VIPR1: variants seen among roughly 807,000 people sequenced by gnomAD.
The protein encoded by VIPR1 is vasoactive intestinal polypeptide receptor 1.
VIPR1 carries 59 observed loss-of-function variants against 58.8 expected under a neutral mutation model. The observed-to-expected ratio is 1.00, with a 90% CI of 0.81 to 1.25. The LOEUF is 1.25. Among genes scored for constraint, VIPR1 ranks in the 50% most tolerant of loss-of-function variants. The probability of loss-of-function intolerance (pLI) is 0.00; values close to 1 mark genes in which losing one functional copy is unlikely to be tolerated. For synonymous variants in VIPR1, 251 were observed against 242.1 expected (o/e 1.04, Z -0.34); for missense variants, 626 against 602.7 (o/e 1.04, Z -0.40).
chr3:42,515,460 G>A lies in VIPR1; in HGVS notation c.184+1606G>A, dbSNP rs113157496. Reference sequence around the variant, plus strand: ...CAGACAGGCTTTGGCAGGCCCCAGCGGTGGGATCATAGGCAGCCCCAAGAG... The same window carrying A: ...CAGACAGGCTTTGGCAGGCCCCAGCAGTGGGATCATAGGCAGCCCCAAGAG... On this transcript the variant is annotated intron_variant, in intron 2 of 12. Transcript: ENST00000325123. 9.2e-3 allele frequency among the ~76,000 whole-genome samples: 1,400 copies of A among 152,354 alleles called. 11 individuals carry two copies. The highest frequency in any genetic ancestry group is 0.014 in the Non-Finnish European group (980 of 68,032).
chr3:42,533,676 CTCCCACT>C (rs1701698267), intron 10 of VIPR1: 1 of 152,214 alleles, frequency 6.6e-6, no homozygotes, highest in Admixed American at 6.5e-5. Context: ...AAGCTGTCAG[CTCCCACT>C]CTACACCTCC....
At chr3:42,534,451 G>A in intron 10 of VIPR1, 1 of 152,952 alleles carries the variant, frequency 6.5e-6, no homozygotes, top group Non-Finnish European at 1.5e-5. Context: ...TCTATAATTT[G>A]ACTATGTCGA....
intron 1 of VIPR1, among the ~76,000 whole-genome samples, chr3:42,495,326 T>G (rs1699737722): frequency 6.6e-6 from 1 of 152,148 alleles, no homozygotes; most frequent in Non-Finnish European, 1.5e-5. Flanking sequence ...TTTCACCATG[T>G]TAGCCAGGAT....
At chr3:42,512,627 G>A in intron 1 of VIPR1, 1 of 548,536 alleles carries the variant, frequency 1.8e-6, no homozygotes, top group Non-Finnish European at 2.3e-6. Flanking sequence ...GGCCCAGGGA[G>A]GTAAGGACCC....
chr3:42,490,018 A>G (rs1226765030), intron 1 of VIPR1, among the ~76,000 whole-genome samples: 1 of 151,792 alleles, frequency 6.6e-6, no homozygotes, highest in Non-Finnish European at 1.5e-5. Context: ...GATCTGCACC[A>G]CCCAGAGAGG....
intron 1 of VIPR1, among the ~76,000 whole-genome samples, chr3:42,510,605 G>A (rs1559482403): frequency 6.6e-6 from 1 of 152,196 alleles, no homozygotes; most frequent in Non-Finnish European, 1.5e-5. Flanking sequence ...CAGACCAGCG[G>A]TCAGAGACTT....
In VIPR1 at chr3:42,528,099, G is replaced by T; in HGVS notation, c.612G>T (p.Glu204Asp). ...IKDLALFDSG[E>D]SDQCSEGSVG... ...ACTTGGCCCTCTTCGACAGCGGGGAGTCGGACCAGTGCTCCGAGGGCTCGG... is the reference window on the plus strand; with the variant it reads ...ACTTGGCCCTCTTCGACAGCGGGGATTCGGACCAGTGCTCCGAGGGCTCGG... The change falls in exon 6 of 13, where the codon GAG (glutamate) becomes GAT (aspartate). Residue 204 changes from glutamate to aspartate, a missense_variant. Physicochemically the swap from Glu to Asp is conservative, Grantham distance 45. Coordinates refer to ENST00000325123, the MANE Select transcript of VIPR1 (RefSeq NM_004624.4). 6.2e-7 allele frequency: 1 copy of T among 1,613,906 alleles called. No homozygotes were observed.
Position 42,513,697 on chromosome 3 carries a change from G to A in VIPR1, c.79-52G>A, listed in dbSNP as rs527669848. The A allele has an allele frequency of 6.5e-6, 10 of 1,534,418 alleles. No individual in the cohort carries two copies. In the East Asian group the frequency reaches 1.5e-4, roughly 23 times the overall value. ...GTGCAGTCCAGAGACTGGGCCTGGT[G>A]CTCCTGAGTCTATGGACGAGGCTGA... On this transcript the variant is annotated intron_variant, in intron 1 of 12. Coordinates refer to ENST00000325123, the MANE Select transcript of VIPR1 (RefSeq NM_004624.4).
At chr3:42,527,744 TG>T (rs1701310709) in intron 5 of VIPR1, 4 of 643,946 alleles carry the variant, frequency 6.2e-6, no homozygotes, top group African/African-American at 3.7e-5. Context: ...GAGTGGGGCC[TG>T]CACACAGGAA....
In VIPR1 at chr3:42,527,977, C is replaced by G; in HGVS notation, c.504-14C>G. ...AGGCCCCTTTGGCCTCCCAGATCTG[C>G]CCACCCCACACAGGAAGCTCCACTG... is the stretch of plus-strand genomic sequence containing the variant. On this transcript the variant is annotated splice_polypyrimidine_tract_variant and intron_variant, in intron 5 of 12. Transcript: ENST00000325123. 1.2e-6 allele frequency: 2 copies of G among 1,612,816 alleles called. No individual in the cohort carries two copies. The highest frequency in any genetic ancestry group is 1.7e-6 in the Non-Finnish European group (2 of 1,179,296).
At position 42,511,144 on chromosome 3, in the gene VIPR1, A is replaced by G. The variant is rs553176892; in HGVS notation, c.79-2605A>G. Among the ~76,000 whole-genome samples the G allele has an allele frequency of 4.6e-5, 7 of 152,328 alleles. No individual in the cohort carries two copies. In the South Asian group the frequency reaches 8.3e-4, roughly 18 times the overall value. On this transcript the variant is annotated intron_variant, in intron 1 of 12. Transcript: ENST00000325123. ...GCTAGCAGTAGAGCTGGTTTCAGGC[A>G]TGGCTGCATTCACAGACCCAGACAA... is the stretch of plus-strand genomic sequence containing the variant.
At chr3:42,518,280 C>T (rs1011510355) in intron 2 of VIPR1, among the ~76,000 whole-genome samples, 2 of 152,010 alleles carry the variant, frequency 1.3e-5, no homozygotes, top group Admixed American at 6.6e-5. Context: ...GTAGTTGTAT[C>T]GGTGACTCAA....
Position 42,491,178 on chromosome 3 carries a change from G to A in VIPR1, c.-245+1500G>A, listed in dbSNP as rs139998916. On this transcript the variant is annotated intron_variant, in intron 1 of 13. Transcript: ENST00000433647. ...AGCACAGGCAGAGAGATTGAGGGGA[G>A]TCTCTGTATGAAATTTGAATGTGTG... Among the ~76,000 whole-genome samples, 724 of 152,326 alleles carry A rather than the reference G, an allele frequency of 4.8e-3. 32 individuals are homozygous for A. The highest frequency in any genetic ancestry group is 0.042 in the Admixed American group (637 of 15,304).
At chr3:42,491,903 T>C (rs1343688268) in intron 1 of VIPR1, among the ~76,000 whole-genome samples, 1 of 152,148 alleles carries the variant, frequency 6.6e-6, no homozygotes, top group East Asian at 1.9e-4. Flanking sequence ...ACAATAATAC[T>C]ACTCAATCCG....
intron 1 of VIPR1, among the ~76,000 whole-genome samples, chr3:42,496,560 G>C (rs1699767990): frequency 6.6e-6 from 1 of 152,160 alleles, no homozygotes; most frequent in Non-Finnish European, 1.5e-5. Flanking sequence ...CTTCCACTAG[G>C]ACTGTAGATT....
chr3:42,527,481 T>C lies in VIPR1; in HGVS notation c.488T>C (p.Ile163Thr), dbSNP rs1484959158. The C allele has an allele frequency of 1.2e-6, 2 of 1,613,834 alleles. No homozygotes were observed. The highest frequency in any genetic ancestry group is 4.5e-5 in the East Asian group (2 of 44,882). ...GCCACCCTTCTGGTCGCCACAGCTA[T>C]CCTGAGCCTGTTCAGGTGAGGCCCA... is the stretch of plus-strand genomic sequence containing the variant. ...SLATLLVATA[I>T]LSLFRKLHCT... Residue 163 changes from isoleucine to threonine, a missense_variant, in exon 5 of 13, where the codon ATC becomes ACC. Transcript: ENST00000325123.
At chr3:42,522,099 ATATTTTTTTTTTTTTT>A (rs1177801151) in intron 3 of VIPR1, among the ~76,000 whole-genome samples, 14 of 55,580 alleles carry the variant, frequency 2.5e-4, no homozygotes, top group Middle Eastern at 0.012. Flanking sequence ...ATATATATAT[ATATTTTTTTTTTTTTT>A]TTTTTTTTTT....
At position 42,531,487 on chromosome 3, in the gene VIPR1, C is replaced by T. The variant is rs1402092790; in HGVS notation, c.807C>T (p.Phe269=). ...GCCTGACAGGGGTACCCAGCACATT[C>T]ACCATGGTGTGGACCATCGCCAGGA... The part of the protein sequence containing the change: ...ILIGWGVPST[F]TMVWTIARIH... Residue 269 remains phenylalanine, a synonymous_variant, in exon 8 of 13, where the codon TTC becomes TTT. Coordinates refer to ENST00000325123, the MANE Select transcript of VIPR1 (RefSeq NM_004624.4). 1 of 1,588,950 alleles carries T rather than the reference C, an allele frequency of 6.3e-7. No homozygotes were observed. The highest frequency in any genetic ancestry group is 1.1e-5 in the South Asian group (1 of 87,210).
intron 1 of VIPR1, among the ~76,000 whole-genome samples, chr3:42,494,651 A>G (rs185809056): frequency 3.4e-4 from 52 of 152,224 alleles, no homozygotes; most frequent in African/African-American, 1.2e-3. Context: ...ACCTTTGTCT[A>G]TTTACTGGTC....
Sources: gnomAD v4.1 joint callset for allele counts (sites outside exome capture counted in the v4.1 genomes callset) on GRCh38, gnomAD v4.1.1 for gene constraint, MANE v1.5 for transcripts, NCBI Gene and HGNC (gene_info 2026-07-23, HGNC 2026-07-21) for gene names.